BRINP1: variants seen among roughly 807,000 people sequenced by gnomAD.
BRINP1 encodes the protein BMP/retinoic acid inducible neural specific 1, also known as BMP/retinoic acid-inducible neural-specific protein 1.
Under a neutral mutation model 72.9 loss-of-function variants are expected in BRINP1, and 17 were observed. That is an observed-to-expected ratio of 0.23 (90% CI 0.16 to 0.35). BRINP1 has a LOEUF of 0.35. Ranked by LOEUF, BRINP1 falls within the 10% of genes least tolerant of loss-of-function variation. The pLI, the probability that BRINP1 is intolerant of heterozygous loss-of-function variation, is 1.00. For synonymous variants in BRINP1, 418 were observed against 378.5 expected, an observed-to-expected ratio of 1.10 and a Z score of -1.21; for missense variants, 850 against 1,001.6, an observed-to-expected ratio of 0.85 and a Z score of 2.04.
intron 7 of BRINP1, among the ~76,000 whole-genome samples, chr9:119,172,525 G>T (rs1422067566): frequency 6.6e-6 from 1 of 151,566 alleles, no homozygotes; most frequent in Non-Finnish European, 1.5e-5. Flanking sequence ...GGACCAGATG[G>T]ATTCACAGCC....
At chr9:119,202,809 A>G (rs1426970333) in intron 7 of BRINP1, among the ~76,000 whole-genome samples, 1 of 152,180 alleles carries the variant, frequency 6.6e-6, no homozygotes, top group African/African-American at 2.4e-5. Flanking sequence ...GTCCGGAATT[A>G]TCTTGTTGCT....
At chr9:119,173,773 G>A (rs1340445881) in intron 7 of BRINP1, among the ~76,000 whole-genome samples, 2 of 145,860 alleles carry the variant, frequency 1.4e-5, no homozygotes, top group East Asian at 4.0e-4. Flanking sequence ...AAAACAGCAT[G>A]GTACTGGTAC....
chr9:119,286,210 C>T (rs1014273780), intron 2 of BRINP1, among the ~76,000 whole-genome samples: 5 of 151,636 alleles, frequency 3.3e-5, no homozygotes, highest in Admixed American at 1.3e-4. Context: ...CTGAGGGCAT[C>T]GAGAGTGTTA....
chr9:119,180,627 A>G (rs1829545798), intron 7 of BRINP1, among the ~76,000 whole-genome samples: 1 of 152,198 alleles, frequency 6.6e-6, no homozygotes, highest in Non-Finnish European at 1.5e-5. Context: ...AGTATGAATT[A>G]TAACTGGCCA....
At chr9:119,219,969 T>A (rs933837936) in intron 5 of BRINP1, among the ~76,000 whole-genome samples, 7 of 152,150 alleles carry the variant, frequency 4.6e-5, no homozygotes, top group Admixed American at 2.0e-4. Flanking sequence ...CAGCTGAGAA[T>A]CAACTTGGCC....
chr9:119,330,118 T>A (rs540520408), intron 1 of BRINP1, among the ~76,000 whole-genome samples: 308 of 152,298 alleles, frequency 2.0e-3, no homozygotes, highest in Non-Finnish European at 3.5e-3. Context: ...GGTGCCAATT[T>A]TTTTTAACCT....
At position 119,320,876 on chromosome 9, in the gene BRINP1, T is replaced by C. The variant is rs373495653; in HGVS notation, c.-50-7471A>G. Among the ~76,000 whole-genome samples, 17 of 152,266 alleles carry C rather than the reference T, an allele frequency of 1.1e-4. 1 individual carries two copies. Among genetic ancestry groups the C allele is most frequent in the African/African-American group, 4.1e-4 (17 of 41,564 alleles). On this transcript the variant is annotated intron_variant, in intron 1 of 7. Transcript: ENST00000265922. Reference sequence around the variant, plus strand: ...TACTATGTGCCAGAAACTGCACTTATTGCTTTACACATGTGACCCATAGAA... The same window carrying C: ...TACTATGTGCCAGAAACTGCACTTACTGCTTTACACATGTGACCCATAGAA...
intron 5 of BRINP1, among the ~76,000 whole-genome samples, chr9:119,232,225 C>A (rs191771521): frequency 5.5e-3 from 834 of 152,234 alleles, no homozygotes; most frequent in Non-Finnish European, 9.3e-3. Context: ...CTTAAAAATT[C>A]ATCCATAAAT....
At chr9:119,218,032 G>A (rs1389797848) in intron 5 of BRINP1, among the ~76,000 whole-genome samples, 2 of 151,698 alleles carry the variant, frequency 1.3e-5, no homozygotes, top group African/African-American at 4.8e-5. Context: ...ATTAATTCCT[G>A]GCTGAAATTA....
chr9:119,272,106 A>C (rs1207590765), intron 2 of BRINP1, among the ~76,000 whole-genome samples: 6 of 150,220 alleles, frequency 4.0e-5, no homozygotes, highest in Admixed American at 3.3e-4. Context: ...AAAAAAAAAA[A>C]AACAGCCTGT....
At chr9:119,327,649 G>C (rs921288059) in intron 1 of BRINP1, among the ~76,000 whole-genome samples, 19 of 152,148 alleles carry the variant, frequency 1.2e-4, no homozygotes, top group African/African-American at 4.6e-4. Flanking sequence ...TCTTGTATTA[G>C]ATGGAAAGAA....
chr9:119,207,939 C>T (rs1362861650), intron 7 of BRINP1, among the ~76,000 whole-genome samples: 1 of 152,162 alleles, frequency 6.6e-6, no homozygotes, highest in Non-Finnish European at 1.5e-5. Context: ...ACCCTGGAGG[C>T]ACCTCTACAG....
intron 1 of BRINP1, among the ~76,000 whole-genome samples, chr9:119,365,777 C>T (rs1040571921): frequency 6.6e-6 from 1 of 152,068 alleles, no homozygotes; most frequent in Non-Finnish European, 1.5e-5. Context: ...CTAAACTCAA[C>T]GGGGGCCCAA....
chr9:119,210,040 C>A (rs1829906753), intron 6 of BRINP1, among the ~76,000 whole-genome samples: 1 of 152,218 alleles, frequency 6.6e-6, no homozygotes, highest in Non-Finnish European at 1.5e-5. Context: ...TAGAAATTAT[C>A]TAGTTCAGCT....
intron 1 of BRINP1, among the ~76,000 whole-genome samples, chr9:119,354,806 C>T (rs1261709417): frequency 6.6e-6 from 1 of 152,148 alleles, no homozygotes. Context: ...GAATCCAAGG[C>T]TACAGTGAAC....
chr9:119,283,151 C>T, intron 2 of BRINP1: 1 of 985,008 alleles, frequency 1.0e-6, no homozygotes, highest in Non-Finnish European at 1.2e-6. Flanking sequence ...TAAATGAGAT[C>T]ATTTGTTCTT....
intron 2 of BRINP1, among the ~76,000 whole-genome samples, chr9:119,283,899 T>C (rs1196448499): frequency 2.0e-5 from 3 of 152,154 alleles, no homozygotes; most frequent in Non-Finnish European, 2.9e-5. Context: ...CTTTTTCTCC[T>C]TAGGCTGGTT....
At chr9:119,336,273 A>C (rs561811439) in intron 1 of BRINP1, among the ~76,000 whole-genome samples, 19 of 152,336 alleles carry the variant, frequency 1.2e-4, no homozygotes, top group African/African-American at 4.6e-4. Context: ...GGAAACCAAA[A>C]GTATAGACCA....
In BRINP1 at chr9:119,167,016, G is replaced by C. The variant is rs1241030784; in HGVS notation, c.*68C>G. The C allele has an allele frequency of 7.0e-7, 1 of 1,433,220 alleles. No individual in the cohort carries two copies. The highest frequency in any genetic ancestry group is 9.3e-7 in the Non-Finnish European group (1 of 1,076,258). The allele number at this position is 1,433,220 out of a possible 1,614,324, so 88.8% of individuals were successfully genotyped here. Reference sequence around the variant, plus strand: ...AAATTTTTGTGGGTTTTTTTGTTTTGTTTTGCTTCATTTTGTTCTGTTGTG... The same window carrying C: ...AAATTTTTGTGGGTTTTTTTGTTTTCTTTTGCTTCATTTTGTTCTGTTGTG... On this transcript the variant is annotated 3_prime_UTR_variant, in exon 8 of 8. Coordinates refer to ENST00000265922, the MANE Select transcript of BRINP1 (RefSeq NM_014618.3). The surrounding 1 kb of genome is among the most constrained non-coding windows in gnomAD (Gnocchi z 4.3).
Sources: gnomAD v4.1 joint callset for allele counts (sites outside exome capture counted in the v4.1 genomes callset) on GRCh38, gnomAD v4.1.1 for gene constraint, Gnocchi (gnomAD v3.1) non-coding constraint, MANE v1.5 for transcripts, NCBI Gene and HGNC (gene_info 2026-07-23, HGNC 2026-07-21) for gene names.